Variants in ARVCF observed in about 807,000 individuals in gnomAD.
ARVCF encodes the protein splicing regulator ARVCF.
In ARVCF, 66 loss-of-function variants were observed where a neutral mutation model predicts 90.9. The observed-to-expected ratio is 0.73, with a 90% CI of 0.60 to 0.89. The LOEUF (loss-of-function observed/expected upper bound fraction) is 0.89, where lower values mean the gene tolerates loss of function less well. Ranked by LOEUF, ARVCF falls within the 40% of genes least tolerant of loss-of-function variation. The pLI is 0.00. For missense variants in ARVCF, 1,469 were observed against 1,382.3 expected, an observed-to-expected ratio of 1.06 and a Z score of -1.00; for synonymous variants, 653 against 603.4, an observed-to-expected ratio of 1.08 and a Z score of -1.21.
In ARVCF at chr22:19,977,395, C is replaced by A; in HGVS notation, c.1870+20G>T. 1 of 1,495,800 alleles carries A rather than the reference C, an allele frequency of 6.7e-7. No homozygotes were observed. The highest frequency in any genetic ancestry group is 1.4e-5 in the South Asian group (1 of 73,370). The allele number at this position is 1,495,800 out of a possible 1,614,324, so 92.7% of individuals were successfully genotyped here. A position where few individuals can be genotyped will look rare whatever the true frequency, so the allele number is the denominator to read the frequency against. ...AGGAGTTGAGATGGTAGAGATGATA[C>A]CCCAGTCCGCCCCACCCACCTTTGG... On this transcript the variant is annotated intron_variant, in intron 9 of 19. Coordinates refer to ENST00000263207, the MANE Select transcript of ARVCF (RefSeq NM_001670.3).
intron 2 of ARVCF, among the ~76,000 whole-genome samples, chr22:20,004,285 G>T (rs771462828): frequency 6.6e-6 from 1 of 152,028 alleles, no homozygotes; most frequent in South Asian, 2.1e-4. Context: ...TCACAATGAC[G>T]ATACTACTGA....
chr22:20,011,841 C>T lies in ARVCF; in HGVS notation c.-72-1333G>A, dbSNP rs577273378. Reference sequence around the variant, plus strand: ...CTTAAGTGTTCACATAGGTTTTGTACCACAGAGAACCATGTGACTTTTTTT... The same window carrying T: ...CTTAAGTGTTCACATAGGTTTTGTATCACAGAGAACCATGTGACTTTTTTT... On this transcript the variant is annotated intron_variant, in intron 1 of 19. Transcript: ENST00000263207. Among the ~76,000 whole-genome samples the T allele has an allele frequency of 2.0e-5, 3 of 152,246 alleles. No individual in the cohort carries two copies. In the South Asian group the frequency reaches 6.2e-4, roughly 32 times the overall value.
intron 3 of ARVCF, among the ~76,000 whole-genome samples, chr22:19,984,074 G>T (rs1393560562): frequency 1.3e-5 from 2 of 152,210 alleles, no homozygotes; most frequent in East Asian, 3.8e-4. Flanking sequence ...GGCACTGAGG[G>T]GCTGCAGTTC....
chr22:20,001,824 G>A (rs969423843), intron 2 of ARVCF, among the ~76,000 whole-genome samples: 7 of 152,088 alleles, frequency 4.6e-5, no homozygotes, highest in African/African-American at 1.5e-4. Flanking sequence ...AAAAGGAGCC[G>A]CTATAAATAA....
At chr22:19,966,755 T>C (rs1942420358), downstream of ARVCF, among the ~76,000 whole-genome samples, 1 of 149,864 alleles carries the variant, frequency 6.7e-6, no homozygotes, top group African/African-American at 2.5e-5. Flanking sequence ...TTTTTGTTGT[T>C]GTTTCTCGAG....
At chr22:19,997,514 G>A (rs911500246) in intron 2 of ARVCF, among the ~76,000 whole-genome samples, 5 of 152,158 alleles carry the variant, frequency 3.3e-5, no homozygotes, top group Admixed American at 6.5e-5. Context: ...TCCAGGTCCC[G>A]ATTCAAAACA....
In ARVCF at chr22:19,981,035, C is replaced by T; in HGVS notation, c.896+176G>A. 2 of 841,548 alleles carry T rather than the reference C, an allele frequency of 2.4e-6. 1 individual carries two copies. The allele number at this position is 841,548 out of a possible 1,614,324, so 52.1% of individuals were successfully genotyped here. A position where few individuals can be genotyped will look rare whatever the true frequency, so the allele number is the denominator to read the frequency against. On this transcript the variant is annotated intron_variant, in intron 5 of 19. Coordinates refer to ENST00000263207, the MANE Select transcript of ARVCF (RefSeq NM_001670.3). Reference sequence around the variant, plus strand: ...GCCTGCAGGACAGTGCCCAGCCGAACTCCTACCACCCCAGGGTCCACCTTT... The same window carrying T: ...GCCTGCAGGACAGTGCCCAGCCGAATTCCTACCACCCCAGGGTCCACCTTT...
intron 3 of ARVCF, among the ~76,000 whole-genome samples, chr22:19,988,786 C>T (rs1361512019): frequency 6.6e-6 from 1 of 152,186 alleles, no homozygotes; most frequent in Non-Finnish European, 1.5e-5. Flanking sequence ...CCTCATCAGC[C>T]CAGCCAGTTG....
Position 19,990,725 on chromosome 22 carries a change from C to G in ARVCF, c.70G>C (p.Glu24Gln). 1 of 1,592,818 alleles carries G rather than the reference C, an allele frequency of 6.3e-7. No individual in the cohort carries two copies. The highest frequency in any genetic ancestry group is 1.1e-5 in the South Asian group (1 of 88,236). The change falls in exon 3 of 20, where the codon GAG (glutamate) becomes CAG (glutamine). Residue 24 changes from glutamate (E) to glutamine (Q), a missense_variant. By Grantham distance (29) the Glu-to-Gln change is conservative. Coordinates refer to ENST00000263207, the MANE Select transcript of ARVCF (RefSeq NM_001670.3). Reference protein sequence around the residue: ...ASVKEQEARFERLTRALEQER... With the variant: ...ASVKEQEARFQRLTRALEQER... ...TGCTCCAGTGCCCGTGTCAGCCTCT[C>G]GAAGCGGGCCTCCTGCTCCTTCACC...
chr22:19,980,762 T>A lies in ARVCF; in HGVS notation c.896+449A>T, dbSNP rs1281605694. ...ATCTCCTTAGCTCTCAGTAGCCCTG[T>A]GGGTTGCTGTCATCAAACCGCCTGC... On this transcript the variant is annotated intron_variant, in intron 5 of 19. Coordinates refer to ENST00000263207, the MANE Select transcript of ARVCF (RefSeq NM_001670.3). 5.3e-5 allele frequency: 10 copies of A among 188,488 alleles called. 1 individual carries two copies. The highest frequency in any genetic ancestry group is 2.1e-4 in the African/African-American group (9 of 42,834). 11.7% of individuals were successfully genotyped at this position (188,488 alleles called of 1,614,324 possible).
intron 2 of ARVCF, among the ~76,000 whole-genome samples, chr22:19,993,910 G>A (rs1055183285): frequency 3.3e-5 from 5 of 152,204 alleles, no homozygotes; most frequent in Non-Finnish European, 7.3e-5. Context: ...CATTGGCCAC[G>A]TACCCAAGGG....
At chr22:19,973,829 T>TG in intron 12 of ARVCF, 36 bp from the exon 13 acceptor site, 1 of 1,581,060 alleles carries the variant, frequency 6.3e-7, no homozygotes, top group Non-Finnish European at 8.6e-7. Flanking sequence ...CAGACATACA[T>TG]GCCAGGCACT....
At chr22:19,982,122 C>A in intron 3 of ARVCF, 31 bp from the exon 4 acceptor site, 1 of 1,604,672 alleles carries the variant, frequency 6.2e-7, no homozygotes, top group South Asian at 1.1e-5. Flanking sequence ...GGTGGGCAGG[C>A]CTGCTGCTCA....
chr22:19,970,116 C>T lies in ARVCF; in HGVS notation c.*640G>A. 1.0e-6 allele frequency: 1 copy of T among 985,578 alleles called. No individual in the cohort carries two copies. The highest frequency in any genetic ancestry group is 1.2e-6 in the Non-Finnish European group (1 of 830,050). The allele number at this position is 985,578 out of a possible 1,614,324, so 61.1% of individuals were successfully genotyped here. On this transcript the variant is annotated 3_prime_UTR_variant, in exon 20 of 20. Coordinates refer to ENST00000263207, the MANE Select transcript of ARVCF (RefSeq NM_001670.3). ...ATGCGGCAGCCCCGGCCCCAGCCAG[C>T]ATGGGCTGGAGAAAGGCTCTCTACT...
At chr22:20,016,353 C>T (rs1945153666) in intron 1 of ARVCF, among the ~76,000 whole-genome samples, 1 of 152,142 alleles carries the variant, frequency 6.6e-6, no homozygotes. Flanking sequence ...AAGAGACCCG[C>T]CCCCGCCGGC....
intron 11 of ARVCF, among the ~76,000 whole-genome samples, chr22:19,975,374 C>A (rs1347383489): frequency 6.6e-6 from 1 of 152,248 alleles, no homozygotes; most frequent in Admixed American, 6.5e-5. Flanking sequence ...GGAGGCCCTG[C>A]CTCCACTGGA....
At chr22:19,978,644 G>T (rs1418558630) in intron 7 of ARVCF, among the ~76,000 whole-genome samples, 4 of 152,104 alleles carry the variant, frequency 2.6e-5, no homozygotes, top group Non-Finnish European at 5.9e-5. Flanking sequence ...TGATGGGAAG[G>T]TAGGTGAGAG....
At chr22:20,015,416 G>A (rs903139814) in intron 1 of ARVCF, among the ~76,000 whole-genome samples, 12 of 152,112 alleles carry the variant, frequency 7.9e-5, no homozygotes, top group Non-Finnish European at 1.6e-4. Context: ...GGAGCTGACC[G>A]GCCACTGGCA....
intron 4 of ARVCF, 66 bp from the exon 5 acceptor site, chr22:19,981,803 T>C: frequency 1.9e-6 from 3 of 1,549,094 alleles, no homozygotes; most frequent in Middle Eastern, 1.8e-4. Flanking sequence ...TGCTGGGGTC[T>C]GGCTGGCCTT....
Sources: allele counts gnomAD v4.1 joint callset (sites outside exome capture counted in the v4.1 genomes callset), GRCh38; gene constraint gnomAD v4.1.1; transcripts MANE v1.5; gene names NCBI Gene and HGNC (gene_info 2026-07-23, HGNC 2026-07-21).